The following GUK1 variants were observed in gnomAD, a reference collection of about 807,000 sequenced individuals.
The protein encoded by GUK1 is guanylate kinase 1.
Under a neutral mutation model 25.2 loss-of-function variants are expected in GUK1, and 18 were observed. The observed-to-expected ratio is 0.71, with a 90% CI of 0.49 to 1.06. The LOEUF is 1.06. Ranked by LOEUF, GUK1 falls within the 50% of genes least tolerant of loss-of-function variation. The probability of loss-of-function intolerance (pLI) is 0.00; values close to 1 mark genes in which losing one functional copy is unlikely to be tolerated. For missense variants in GUK1, 261 were observed against 276.7 expected (o/e 0.94, Z 0.40); for synonymous variants, 105 against 117.6 (o/e 0.89, Z 0.69).
At chr1:228,147,269 C>A in intron 5 of GUK1, 137 bp from the exon 5 acceptor site, 1 of 798,532 alleles carries the variant, frequency 1.3e-6, no homozygotes, top group Non-Finnish European at 2.0e-6. Context: ...GAGATGCTGT[C>A]GGGTGCTGGG....
intron 1 of GUK1, 70 bp downstream of exon 1, chr1:228,140,433 C>T (rs1036758668): frequency 5.3e-6 from 6 of 1,124,594 alleles, no homozygotes; most frequent in Non-Finnish European, 7.3e-6. Context: ...GCTTTGCGGT[C>T]GCCCAGTCCA....
chr1:228,141,726 C>G, intron 2 of GUK1: 1 of 1,322,718 alleles, frequency 7.6e-7, no homozygotes. Context: ...GAGCCCAGTC[C>G]AGGGAGCGTT....
At position 228,140,360 on chromosome 1, in the gene GUK1, G is replaced by A. The variant is rs1180113618; in HGVS notation, c.-171G>A. On this transcript the variant is annotated 5_prime_UTR_variant, in exon 1 of 9. Coordinates refer to ENST00000312726, the MANE Select transcript of GUK1 (RefSeq NM_000858.7). ...GGCCGCCCTGGGCCGGGCCCCACCGGACGGTGAGTACGACAAGCGCGATCG... is the reference window on the plus strand; with the variant it reads ...GGCCGCCCTGGGCCGGGCCCCACCGAACGGTGAGTACGACAAGCGCGATCG... The A allele has an allele frequency of 2.6e-6, 4 of 1,523,434 alleles. No individual in the cohort carries two copies. Among genetic ancestry groups the A allele is most frequent in the Non-Finnish European group, 3.5e-6 (4 of 1,143,760 alleles). The allele number at this position is 1,523,434 out of a possible 1,614,324, so 94.4% of individuals were successfully genotyped here.
rs2034556869 is a variant in GUK1 at position 228,148,927 on chromosome 1, A to G, written c.*230A>G. The G allele has an allele frequency of 1.8e-6, 2 of 1,134,362 alleles. No individual in the cohort carries two copies. The highest frequency in any genetic ancestry group is 2.1e-4 in the Middle Eastern group (1 of 4,806). The allele number at this position is 1,134,362 out of a possible 1,614,324, so 70.3% of individuals were successfully genotyped here. A position where few individuals can be genotyped will look rare whatever the true frequency, so the allele number is the denominator to read the frequency against. On this transcript the variant is annotated 3_prime_UTR_variant, in exon 9 of 9. Transcript: ENST00000312726. ...GGACCCAGGGCTGACATCCTAATAA[A>G]ATAACTGTTGGATTAGAAACTCCAT...
chr1:228,148,313 G>A (rs772572129), intron 7 of GUK1, 58 bp from the exon 7 acceptor site: 1 of 1,215,956 alleles, frequency 8.2e-7, no homozygotes, highest in South Asian at 1.2e-5. Flanking sequence ...GGGTCGTGTG[G>A]GACCTGGGGT....
intron 4 of GUK1, 159 bp from the exon 4 acceptor site, chr1:228,146,683 T>A: frequency 1.6e-6 from 1 of 638,052 alleles, no homozygotes; most frequent in Admixed American, 2.4e-5. Flanking sequence ...TTGGCAGCAC[T>A]TGAGGGGTCC....
At chr1:228,144,473 C>G (rs1416166914) in intron 2 of GUK1, 1 of 152,410 alleles carries the variant, frequency 6.6e-6, no homozygotes, top group Non-Finnish European at 1.5e-5. Flanking sequence ...TGCCCTGGCC[C>G]TGTGTGTGCA....
rs538663233 is a variant in GUK1 at position 228,146,172 on chromosome 1, C to A, written c.154+105C>A. On this transcript the variant is annotated intron_variant, in intron 4 of 8. Coordinates refer to ENST00000312726, the MANE Select transcript of GUK1 (RefSeq NM_000858.7). ...CTGCCCGTCTCCTGCCCCCATCAAT[C>A]CCTAATCTGTGAGATGGGTCCTTGC... is the stretch of plus-strand genomic sequence containing the variant. 9.3e-6 allele frequency: 7 copies of A among 751,938 alleles called. No individual in the cohort carries two copies. The South Asian group carries it at 9.5e-5, about 10-fold the overall frequency. The allele number at this position is 751,938 out of a possible 1,614,324, so 46.6% of individuals were successfully genotyped here.
intron 7 of GUK1, 43 bp from the exon 7 acceptor site, chr1:228,148,328 C>G: frequency 1.5e-6 from 2 of 1,369,806 alleles, no homozygotes; most frequent in Non-Finnish European, 2.1e-6. Flanking sequence ...TGGGGTGGGG[C>G]TGCATGGGCT....
chr1:228,145,491 G>A lies in GUK1; in HGVS notation c.-2-20G>A, dbSNP rs1218283715. The A allele has an allele frequency of 6.3e-7, 1 of 1,595,748 alleles. No individual in the cohort carries two copies. ...ACTAGAGGCCGCACTGCTATCCACA[G>A]CCTCTCTTCTCACCCCCAGGCATGT... On this transcript the variant is annotated intron_variant, in intron 2 of 8. Transcript: ENST00000312726.
At chr1:228,147,320 G>A in intron 5 of GUK1, 86 bp from the exon 5 acceptor site, 1 of 1,322,082 alleles carries the variant, frequency 7.6e-7, no homozygotes, top group South Asian at 1.3e-5. Flanking sequence ...GGAGAACGCT[G>A]GGCCCGGGAG....
At chr1:228,146,673 T>C in intron 4 of GUK1, 169 bp from the exon 4 acceptor site, 1 of 621,334 alleles carries the variant, frequency 1.6e-6, no homozygotes. Flanking sequence ...GCTCAGGCAC[T>C]TGGCAGCACT....
chr1:228,147,807 C>T (rs1168128043), intron 7 of GUK1, 108 bp downstream of exon 6: 1 of 912,024 alleles, frequency 1.1e-6, no homozygotes, highest in Non-Finnish European at 1.7e-6. Context: ...CACCTGGAGT[C>T]CCTGTGAGGG....
chr1:228,140,509 C>A (rs2033982982), intron 1 of GUK1, 146 bp downstream of exon 1: 1 of 655,034 alleles, frequency 1.5e-6, no homozygotes, highest in Admixed American at 3.6e-5. Flanking sequence ...GCCCTGAGAA[C>A]GGGGGAGCTC....
At chr1:228,143,797 C>T (rs372748177) in intron 2 of GUK1, among the ~76,000 whole-genome samples, 4 of 152,246 alleles carry the variant, frequency 2.6e-5, no homozygotes, top group South Asian at 2.1e-4. Flanking sequence ...GCAAATTCTG[C>T]GGGTGGGAGA....
At chr1:228,147,593 C>T in intron 6 of GUK1, 22 bp from the exon 6 acceptor site, 1 of 1,613,102 alleles carries the variant, frequency 6.2e-7, no homozygotes, top group Non-Finnish European at 8.5e-7. Context: ...ATGCCAGGCT[C>T]TGATTGCCAC....
At chr1:228,146,191 T>C in intron 4 of GUK1, 124 bp downstream of exon 3, 3 of 672,858 alleles carry the variant, frequency 4.5e-6, no homozygotes, top group Non-Finnish European at 5.4e-6. Flanking sequence ...GTGAGATGGG[T>C]CCTTGCCTCC....
chr1:228,146,535 C>G (rs1181203591), intron 4 of GUK1: 3 of 483,882 alleles, frequency 6.2e-6, no homozygotes, highest in South Asian at 2.5e-5. Flanking sequence ...CTCCAGTTCC[C>G]CCACCACCTT....
In GUK1 at chr1:228,146,000, C is replaced by G. The variant is rs199710311; in HGVS notation, c.113-26C>G. ...GGGGCATTGGGCTCCGAGCAGCCCC[C>G]GATGGGTGACAGGTCTCTCTGCTAG... On this transcript the variant is annotated intron_variant, in intron 3 of 8. Transcript: ENST00000312726. The G allele has an allele frequency of 1.1e-4, 178 of 1,593,378 alleles. No individual in the cohort carries two copies. The African/African-American group carries it at 1.3e-3, about 11-fold the overall frequency.
Sources: gnomAD v4.1 joint callset for allele counts (sites outside exome capture counted in the v4.1 genomes callset) on GRCh38, gnomAD v4.1.1 for gene constraint, MANE v1.5 for transcripts, NCBI Gene and HGNC (gene_info 2026-07-23, HGNC 2026-07-21) for gene names.